Variants in ADAMTS7 observed in about 807,000 individuals in gnomAD.
ADAMTS7 encodes A disintegrin and metalloproteinase with thrombospondin motifs 7.
A neutral mutation model predicts 172.6 loss-of-function variants in ADAMTS7; 89 were observed. That is an observed-to-expected ratio of 0.52 (90% CI 0.43 to 0.61). The LOEUF (loss-of-function observed/expected upper bound fraction) is 0.61. Among genes scored for constraint, ADAMTS7 ranks in the 20% least tolerant of loss-of-function variants. The pLI, the probability that ADAMTS7 is intolerant of heterozygous loss-of-function variation, is 0.00. For synonymous variants in ADAMTS7, 885 were observed against 978.4 expected, an observed-to-expected ratio of 0.90 and a Z score of 1.78; for missense variants, 1,973 against 2,355.6, an observed-to-expected ratio of 0.84 and a Z score of 3.36.
In ADAMTS7 at chr15:78,796,714, C is replaced by T. The variant is rs200778107; in HGVS notation, c.695G>A (p.Arg232His). The T allele has an allele frequency of 2.4e-5, 38 of 1,612,866 alleles. No individual in the cohort carries two copies. Among genetic ancestry groups the T allele is most frequent in the African/African-American group, 1.2e-4 (9 of 74,914 alleles). The change falls in exon 4 of 24, where the codon CGT (arginine) becomes CAT (histidine). Residue 232 changes from arginine (R) to histidine (H), a missense_variant. Arg to His is a conservative substitution (Grantham distance 29). Coordinates refer to ENST00000388820, the MANE Select transcript of ADAMTS7 (RefSeq NM_014272.5). Reference sequence around the variant, plus strand: ...TTTGCTGACCGACCGCTGGTGTAGACGCCTCAGCCGTGGCCGCCGCCACTG... The same window carrying T: ...TTTGCTGACCGACCGCTGGTGTAGATGCCTCAGCCGTGGCCGCCGCCACTG... ...RQQWRRPRLR[R>H]LHQRSVSKEK...
intron 8 of ADAMTS7, among the ~76,000 whole-genome samples, chr15:78,780,806 C>T (rs1488184899): frequency 1.3e-5 from 2 of 152,242 alleles, no homozygotes; most frequent in Non-Finnish European, 2.9e-5. Context: ...CTTTAGAAGG[C>T]AGGCTCCTTC....
chr15:78,774,560 A>T (rs1308166903), intron 12 of ADAMTS7, 64 bp downstream of exon 12: 13 of 1,607,114 alleles, frequency 8.1e-6, no homozygotes, highest in Non-Finnish European at 1.1e-5. Context: ...ATCACAGGGT[A>T]ACCTTGGACC....
chr15:78,801,665 A>G (rs1356887625), intron 1 of ADAMTS7, among the ~76,000 whole-genome samples: 6 of 151,586 alleles, frequency 4.0e-5, no homozygotes. Context: ...GAAGGCAAGA[A>G]TCTATATTCT....
chr15:78,802,911 C>G (rs1218890070), intron 1 of ADAMTS7, among the ~76,000 whole-genome samples: 2 of 152,058 alleles, frequency 1.3e-5, no homozygotes, highest in Non-Finnish European at 2.9e-5. Context: ...GCTGGAGAAT[C>G]ACTTGAACCT....
Position 78,765,684 on chromosome 15 carries a change from A to G in ADAMTS7, c.4227T>C (p.Val1409=), listed in dbSNP as rs1443067377. 1.2e-6 allele frequency: 2 copies of G among 1,610,560 alleles called. No homozygotes were observed. Among genetic ancestry groups the G allele is most frequent in the Non-Finnish European group, 1.7e-6 (2 of 1,179,692 alleles). ...AEAGPPADPL[V]VRNAGWQAGN... ...CCGCTTGCCAGCCGGCGTTCCTGAC[A>G]ACCAACGGGTCCGCGGGGGGCCCCG... The change falls in exon 19 of 24, where the codon GTT becomes GTC. Residue 1409 remains valine (V), a synonymous_variant. Coordinates refer to ENST00000388820, the MANE Select transcript of ADAMTS7 (RefSeq NM_014272.5).
At position 78,800,406 on chromosome 15, in the gene ADAMTS7, A is replaced by T; in HGVS notation, c.242T>A (p.Phe81Tyr). Residue 81 changes from phenylalanine (F) to tyrosine (Y), a missense_variant, in exon 2 of 24, where the codon TTC becomes TAC. Phe to Tyr is a conservative substitution (Grantham distance 22, BLOSUM62 3). Around this residue, in one of 8 missense-constraint regions of ADAMTS7, gnomAD observed 306 missense variants for 288.0 expected, o/e 1.06. Coordinates refer to ENST00000388820, the MANE Select transcript of ADAMTS7 (RefSeq NM_014272.5). ...DVSVRRDAPA[F>Y]YELQYRGREL... is the part of the protein sequence containing the mutation. Reference sequence around the variant, plus strand: ...GCGCCCGCGGTATTGTAGCTCGTAGAAGGCGGGCGCGTCTCGGCGCACAGA... The same window carrying T: ...GCGCCCGCGGTATTGTAGCTCGTAGTAGGCGGGCGCGTCTCGGCGCACAGA... The T allele has an allele frequency of 6.2e-7, 1 of 1,609,312 alleles. No homozygotes were observed. The highest frequency in any genetic ancestry group is 8.5e-7 in the Non-Finnish European group (1 of 1,178,174).
rs1283803861 is a variant in ADAMTS7 at position 78,773,267 on chromosome 15, G to A, written c.2011-64C>T. 27 of 1,367,838 alleles carry A rather than the reference G, an allele frequency of 2.0e-5. 7 individuals carry two copies. Among genetic ancestry groups the A allele is most frequent in the Non-Finnish European group, 2.7e-5 (27 of 992,318 alleles). The allele number at this position is 1,367,838 out of a possible 1,614,324, so 84.7% of individuals were successfully genotyped here. On this transcript the variant is annotated intron_variant, in intron 13 of 23. Transcript: ENST00000388820. ...GCCAGCCCTCTGTGGCCCCAGCCCCGGGGCCAGCCAGAGTCAGGAGAAGAA... is the reference window on the plus strand; with the variant it reads ...GCCAGCCCTCTGTGGCCCCAGCCCCAGGGCCAGCCAGAGTCAGGAGAAGAA...
chr15:78,791,177 A>T lies in ADAMTS7; in HGVS notation c.866T>A (p.Ile289Asn), dbSNP rs1249766935. ...CAGCAGGACCAGGCGCACAATGGTG[A>T]TGTGGATGGGGTTCCCAATGCTGGG... is the stretch of plus-strand genomic sequence containing the variant. ...HDPSIGNPIH[I>N]TIVRLVLLED... The change falls in exon 5 of 24, where the codon ATC becomes AAC. Residue 289 changes from isoleucine to asparagine, a missense_variant. Physicochemically the swap from Ile to Asn is moderately radical, Grantham distance 149. Transcript: ENST00000388820. The T allele has an allele frequency of 1.2e-6, 2 of 1,613,598 alleles. No homozygotes were observed. The highest frequency in any genetic ancestry group is 1.3e-5 in the African/African-American group (1 of 75,028).
intron 16 of ADAMTS7, among the ~76,000 whole-genome samples, chr15:78,769,934 G>A (rs558012767): frequency 6.6e-6 from 1 of 152,344 alleles, no homozygotes; most frequent in African/African-American, 2.4e-5. Flanking sequence ...AGCCAAGGCG[G>A]GCAAATCACC....
Position 78,777,578 on chromosome 15 carries a change from C to A in ADAMTS7, c.1333G>T (p.Gly445Cys). 6.2e-7 allele frequency: 1 copy of A among 1,605,368 alleles called. No individual in the cohort carries two copies. Among genetic ancestry groups the A allele is most frequent in the East Asian group, 2.2e-5 (1 of 44,528 alleles). Residue 445 changes from glycine (G) to cysteine (C), a missense_variant, in exon 9 of 24, where the codon GGC (glycine) becomes TGC (cysteine). Around this residue, in one of 8 missense-constraint regions of ADAMTS7, gnomAD observed 526 missense variants for 662.9 expected, o/e 0.79. Transcript: ENST00000388820. Reference protein sequence around the residue: ...YITRFLDRGWGLCLDDPPAKD... With the variant: ...YITRFLDRGWCLCLDDPPAKD... ...GCAGGAGGGTCGTCCAGGCACAGGC[C>A]CCACCCACGGCTAAAGATGGGACGG...
At chr15:78,777,410 C>T (rs760579345) in intron 9 of ADAMTS7, 34 bp downstream of exon 9, 22 of 1,602,958 alleles carry the variant, frequency 1.4e-5, no homozygotes, top group South Asian at 1.2e-4. Flanking sequence ...CTGCCGGGTC[C>T]CCACACCCCC....
chr15:78,773,056 C>A lies in ADAMTS7; in HGVS notation c.2131+27G>T. 2 of 1,457,116 alleles carry A rather than the reference C, an allele frequency of 1.4e-6. 1 individual carries two copies. The highest frequency in any genetic ancestry group is 1.9e-6 in the Non-Finnish European group (2 of 1,060,980). 90.3% of individuals were successfully genotyped at this position (1,457,116 alleles called of 1,614,324 possible). On this transcript the variant is annotated intron_variant, in intron 14 of 23. Transcript: ENST00000388820. The stretch of plus-strand genomic sequence containing the variant: ...GGGGCCATCAGGTGAAGAGCATACC[C>A]CTCCCCACAGCGGTCCCACCCCATA...
intron 17 of ADAMTS7, among the ~76,000 whole-genome samples, 180 bp downstream of exon 17, chr15:78,767,953 C>T (rs1200182361): frequency 2.7e-5 from 4 of 147,574 alleles, no homozygotes; most frequent in Admixed American, 1.4e-4. Context: ...AATAAAAGCC[C>T]GGCTCCCTCT....
At chr15:78,767,878 T>A (rs1294130538) in intron 17 of ADAMTS7, among the ~76,000 whole-genome samples, 1 of 150,792 alleles carries the variant, frequency 6.6e-6, no homozygotes, top group African/African-American at 2.4e-5. Flanking sequence ...GGACCACAGG[T>A]GTCCAGGCTG....
Position 78,811,288 on chromosome 15 carries a change from C to G in ADAMTS7, c.-68G>C. 1 of 1,218,982 alleles carries G rather than the reference C, an allele frequency of 8.2e-7. No individual in the cohort carries two copies. The highest frequency in any genetic ancestry group is 1.0e-6 in the Non-Finnish European group (1 of 979,756). 75.5% of individuals were successfully genotyped at this position (1,218,982 alleles called of 1,614,324 possible). On this transcript the variant is annotated 5_prime_UTR_variant, in exon 1 of 24. Transcript: ENST00000388820. ...CTCGTCCGTCCCGTCCGGTCGCTGC[C>G]TGGTCCCAGGTCCGGCTCAGGACAT...
Position 78,763,971 on chromosome 15 carries a change from G to C in ADAMTS7, c.4548C>G (p.Cys1516Trp). ...ACCAGCTGAGGCAGGGCTGGGCCCC[G>C]CAGGGCCGGTGCGCAGGCGGCTTGG... Reference protein sequence around the residue: ...GPAKPPAHRPCGAQPCLSWYT... With the variant: ...GPAKPPAHRPWGAQPCLSWYT... Residue 1516 changes from cysteine to tryptophan, a missense_variant, in exon 21 of 24, where the codon TGC becomes TGG. Cys to Trp is a radical substitution (Grantham distance 215). Coordinates refer to ENST00000388820, the MANE Select transcript of ADAMTS7 (RefSeq NM_014272.5). 1 of 1,548,210 alleles carries C rather than the reference G, an allele frequency of 6.5e-7. No homozygotes were observed. Among genetic ancestry groups the C allele is most frequent in the Non-Finnish European group, 8.7e-7 (1 of 1,146,760 alleles).
chr15:78,767,034 C>G lies in ADAMTS7; in HGVS notation c.2877G>C (p.Gly959=), dbSNP rs141319445. The part of the protein sequence containing the change: ...GNWSQCSVTC[G]EGTQRRNVLC... ...GGACATTTCGGCGCTGAGTGCCCTCCCCACATGTCACTGAGCACTGCAGGG... is the reference window on the plus strand; with the variant it reads ...GGACATTTCGGCGCTGAGTGCCCTCGCCACATGTCACTGAGCACTGCAGGG... Residue 959 remains glycine (G), a synonymous_variant, in exon 19 of 24, where the codon GGG becomes GGC. Transcript: ENST00000388820. 1.3e-6 allele frequency: 2 copies of G among 1,559,534 alleles called. No homozygotes were observed. The highest frequency in any genetic ancestry group is 3.7e-5 in the Admixed American group (2 of 53,784).
chr15:78,795,248 C>T (rs1482513470), intron 4 of ADAMTS7, among the ~76,000 whole-genome samples: 1 of 152,210 alleles, frequency 6.6e-6, no homozygotes, highest in East Asian at 1.9e-4. Flanking sequence ...CAGCAATAGC[C>T]CTGCTGAACC....
At chr15:78,763,074 C>T (rs959775263) in intron 22 of ADAMTS7, among the ~76,000 whole-genome samples, 6 of 152,324 alleles carry the variant, frequency 3.9e-5, no homozygotes, top group East Asian at 1.9e-4. Flanking sequence ...ATGCTGTGCC[C>T]GGCCCTGTGC....
Sources: allele counts gnomAD v4.1 joint callset (sites outside exome capture counted in the v4.1 genomes callset), GRCh38; gene constraint gnomAD v4.1.1; regional missense constraint gnomAD v4.1.1; transcripts MANE v1.5; gene names NCBI Gene and HGNC (gene_info 2026-07-23, HGNC 2026-07-21).